The following TSC22D1 variants were observed in gnomAD, a reference collection of about 807,000 sequenced individuals.
TSC22D1 encodes the protein TSC22 domain family member 1.
Under a neutral mutation model 74.2 loss-of-function variants are expected in TSC22D1, and 9 were observed. The ratio of observed to expected loss-of-function variants is 0.12; its 90% CI spans 0.07 to 0.21. TSC22D1 has a LOEUF of 0.21. Among genes scored for constraint, TSC22D1 ranks in the 10% least tolerant of loss-of-function variants. TSC22D1 has a pLI of 1.00. For synonymous variants in TSC22D1, 586 were observed against 492.5 expected, an observed-to-expected ratio of 1.19 and a Z score of -2.51; for missense variants, 1,427 against 1,304.7, an observed-to-expected ratio of 1.09 and a Z score of -1.44.
At chr13:44,498,266 T>G (rs2137975786) in intron 1 of TSC22D1, among the ~76,000 whole-genome samples, 1 of 151,766 alleles carries the variant, frequency 6.6e-6, no homozygotes, top group East Asian at 1.9e-4. Flanking sequence ...CCACTGCCCT[T>G]CAGCCTGGGC....
In TSC22D1 at chr13:44,576,156, G is replaced by C; in HGVS notation, c.-82C>G. ...TCTTTGTATTGGAGACGCCGGAGAG[G>C]AAAACGGGACCTGACGCTCCGCCTG... is the stretch of plus-strand genomic sequence containing the variant. On this transcript the variant is annotated 5_prime_UTR_variant, in exon 1 of 3. Transcript: ENST00000458659. 2.9e-6 allele frequency: 4 copies of C among 1,386,360 alleles called. No individual in the cohort carries two copies. Among genetic ancestry groups the C allele is most frequent in the Non-Finnish European group, 3.7e-6 (4 of 1,071,580 alleles). 85.9% of individuals were successfully genotyped at this position (1,386,360 alleles called of 1,614,324 possible). A position where few individuals can be genotyped will look rare whatever the true frequency, so the allele number is the denominator to read the frequency against.
intron 1 of TSC22D1, among the ~76,000 whole-genome samples, chr13:44,470,125 T>G (rs1877516468): frequency 6.6e-6 from 1 of 152,200 alleles, no homozygotes; most frequent in Admixed American, 6.5e-5. Context: ...GCTTATGTGA[T>G]GTTAAACTGA....
At position 44,575,269 on chromosome 13, in the gene TSC22D1, T is replaced by A. The variant is rs368290126; in HGVS notation, c.806A>T (p.Asp269Val). 5.6e-6 allele frequency: 9 copies of A among 1,613,986 alleles called. No individual in the cohort carries two copies. In the African/African-American group the frequency reaches 1.2e-4, roughly 22 times the overall value. The change falls in exon 1 of 3, where the codon GAC (aspartate) becomes GTC (valine). Residue 269 changes from aspartate (D) to valine (V), a missense_variant. Physicochemically the swap from Asp to Val is radical, Grantham distance 152 (BLOSUM62 -3). This residue lies in a region of TSC22D1 where 1,343 missense variants were observed against 1,191.5 expected (regional missense o/e 1.13). Transcript: ENST00000458659. Reference protein sequence around the residue: ...SRKLSTTGSSDSITPVAPTSA... With the variant: ...SRKLSTTGSSVSITPVAPTSA... ...AGTTGGTGCAACTGGTGTGATACTG[T>A]CAGAGCTTCCAGTTGTAGAGAGTTT...
At chr13:44,513,149 C>T (rs1379664750) in intron 1 of TSC22D1, among the ~76,000 whole-genome samples, 2 of 152,190 alleles carry the variant, frequency 1.3e-5, no homozygotes, top group African/African-American at 4.8e-5. Context: ...TGCAATTGAT[C>T]TCACAGTACT....
rs1884172479 is a variant in TSC22D1 at position 44,575,704 on chromosome 13, C to T, written c.371G>A (p.Ser124Asn). 4 of 1,614,226 alleles carry T rather than the reference C, an allele frequency of 2.5e-6. No individual in the cohort carries two copies. The highest frequency in any genetic ancestry group is 3.4e-6 in the Non-Finnish European group (4 of 1,180,028). Reference protein sequence around the residue: ...TSVTPAQISASISSNNSIAED... With the variant: ...TSVTPAQISANISSNNSIAED... ...TGCTATACTGTTGTTAGAGCTGATA[C>T]TAGCGGAGATCTGAGCAGGAGTAAC... Residue 124 changes from serine (S) to asparagine (N), a missense_variant, in exon 1 of 3, where the codon AGT (serine) becomes AAT (asparagine). This residue lies in a region of TSC22D1 where 1,343 missense variants were observed against 1,191.5 expected (regional missense o/e 1.13). Transcript: ENST00000458659.
intron 1 of TSC22D1, among the ~76,000 whole-genome samples, chr13:44,517,848 TATATATATA>T (rs1337969666): frequency 2.1e-4 from 7 of 32,714 alleles, no homozygotes; most frequent in South Asian, 1.1e-3. Context: ...TATATATATA[TATATATATA>T]TTTTTTTTTT....
At chr13:44,437,639 C>A (rs1874829674) in intron 1 of TSC22D1, among the ~76,000 whole-genome samples, 1 of 152,082 alleles carries the variant, frequency 6.6e-6, no homozygotes, top group South Asian at 2.1e-4. Flanking sequence ...TATTTAGACC[C>A]AAAAAAGTCA....
At chr13:44,478,937 A>T (rs932287010) in intron 1 of TSC22D1, among the ~76,000 whole-genome samples, 4 of 151,992 alleles carry the variant, frequency 2.6e-5, no homozygotes, top group Admixed American at 6.6e-5. Context: ...GTGTATGTTT[A>T]CGTGTGTGTT....
intron 1 of TSC22D1, among the ~76,000 whole-genome samples, chr13:44,520,981 A>G (rs1880286552): frequency 6.6e-6 from 1 of 152,178 alleles, no homozygotes; most frequent in Non-Finnish European, 1.5e-5. Flanking sequence ...AGGTGTGTTT[A>G]TTAGTCCCTT....
Position 44,518,456 on chromosome 13 carries a change from A to G in TSC22D1, c.2912+54707T>C, listed in dbSNP as rs142360485. ...TGGTTTAATATTTATCTAAGATTGT[A>G]CAATTATTTTATTCAATAAAAGTTC... On this transcript the variant is annotated intron_variant, in intron 1 of 2. Transcript: ENST00000458659. Among the ~76,000 whole-genome samples the G allele has an allele frequency of 1.3e-3, 204 of 152,334 alleles. 1 individual carries two copies. Among genetic ancestry groups the G allele is most frequent in the African/African-American group, 4.5e-3 (188 of 41,594 alleles).
At chr13:44,464,286 G>T (rs1293204020) in intron 1 of TSC22D1, among the ~76,000 whole-genome samples, 2 of 152,078 alleles carry the variant, frequency 1.3e-5, no homozygotes, top group African/African-American at 2.4e-5. Context: ...TTTCTTTAAG[G>T]TTATGTCACT....
At chr13:44,450,849 A>G (rs1025759474) in intron 1 of TSC22D1, among the ~76,000 whole-genome samples, 2 of 152,180 alleles carry the variant, frequency 1.3e-5, no homozygotes, top group African/African-American at 2.4e-5. Context: ...TTGGGAGTGG[A>G]TGAGATTACC....
chr13:44,571,650 T>TTTTTAAGTCAAGTTAAGTTTTTAAGTTAA, intron 1 of TSC22D1, among the ~76,000 whole-genome samples: 1 of 152,336 alleles, frequency 6.6e-6, no homozygotes, highest in East Asian at 1.9e-4. Flanking sequence ...CATTAATATT[T>TTTTTAAGTCAAGTTAAGTTTTTAAGTTAA]GTGGTAATTC....
intron 1 of TSC22D1, among the ~76,000 whole-genome samples, chr13:44,517,857 A>ATAT (rs10627677): frequency 6.2e-5 from 1 of 16,176 alleles, no homozygotes; most frequent in Non-Finnish European, 1.4e-4. Flanking sequence ...ATATATATAT[A>ATAT]TTTTTTTTTT....
chr13:44,574,986 G>T lies in TSC22D1; in HGVS notation c.1089C>A (p.Ile363=). ...TAGTACCATTGCCCATGCCACTCAA[G>T]ATATTCACATTAACACCACTGGTAA... is the stretch of plus-strand genomic sequence containing the variant. The part of the protein sequence containing the change: ...PGVTSGVNVN[I]LSGMGNGTIS... Residue 363 remains isoleucine (I), a synonymous_variant, in exon 1 of 3, where the codon ATC becomes ATA. Coordinates refer to ENST00000458659, the MANE Select transcript of TSC22D1 (RefSeq NM_183422.4). The T allele has an allele frequency of 2.5e-6, 4 of 1,614,066 alleles. No individual in the cohort carries two copies. Among genetic ancestry groups the T allele is most frequent in the Non-Finnish European group, 3.4e-6 (4 of 1,180,044 alleles).
intron 1 of TSC22D1, among the ~76,000 whole-genome samples, chr13:44,479,788 C>T (rs1259073968): frequency 6.6e-6 from 1 of 152,166 alleles, no homozygotes; most frequent in Non-Finnish European, 1.5e-5. Flanking sequence ...AAAGTTTAAG[C>T]TTCAATTTCT....
At chr13:44,441,335 T>C (rs1042152399) in intron 1 of TSC22D1, among the ~76,000 whole-genome samples, 3 of 152,220 alleles carry the variant, frequency 2.0e-5, no homozygotes, top group Non-Finnish European at 4.4e-5. Flanking sequence ...AGGTGTATGA[T>C]AGATCTAATG....
intron 1 of TSC22D1, among the ~76,000 whole-genome samples, chr13:44,460,842 G>A (rs1327226594): frequency 1.3e-5 from 2 of 152,124 alleles, no homozygotes; most frequent in Non-Finnish European, 2.9e-5. Context: ...TAGTTACTGG[G>A]CTTCTTTCGA....
chr13:44,438,852 AC>A (rs775438844), intron 1 of TSC22D1, among the ~76,000 whole-genome samples: 9 of 152,176 alleles, frequency 5.9e-5, no homozygotes, highest in Non-Finnish European at 1.3e-4. Context: ...TTAAAGTTAT[AC>A]CTAAAACTAT....
Sources: gnomAD v4.1 joint callset for allele counts (sites outside exome capture counted in the v4.1 genomes callset) on GRCh38, gnomAD v4.1.1 for gene constraint, gnomAD v4.1.1 regional missense constraint, MANE v1.5 for transcripts, NCBI Gene and HGNC (gene_info 2026-07-23, HGNC 2026-07-21) for gene names.